MYO1E: variants seen among roughly 807,000 people sequenced by gnomAD.
MYO1E encodes myosin IE.
Under a neutral mutation model 151.1 loss-of-function variants are expected in MYO1E, and 68 were observed. That is an observed-to-expected ratio of 0.45 (90% CI 0.37 to 0.55). MYO1E has a LOEUF of 0.55. Ranked by LOEUF, MYO1E falls within the 20% of genes least tolerant of loss-of-function variation. MYO1E has a pLI of 0.00. For missense variants in MYO1E, 1,363 were observed against 1,389.3 expected (o/e 0.98, Z 0.30); for synonymous variants, 601 against 501.7 (o/e 1.20, Z -2.64).
At chr15:59,246,282 T>C (rs2080129625) in intron 4 of MYO1E, among the ~76,000 whole-genome samples, 1 of 152,126 alleles carries the variant, frequency 6.6e-6, no homozygotes, top group Admixed American at 6.5e-5. Context: ...CACACCCAGC[T>C]AATTTTTATA....
intron 7 of MYO1E, among the ~76,000 whole-genome samples, chr15:59,226,412 G>A (rs1377079039): frequency 6.6e-6 from 1 of 152,188 alleles, no homozygotes; most frequent in African/African-American, 2.4e-5. Flanking sequence ...AAAGTCTAAT[G>A]TGGATCTTCA....
At chr15:59,306,411 T>G (rs2080515074) in intron 1 of MYO1E, among the ~76,000 whole-genome samples, 2 of 152,250 alleles carry the variant, frequency 1.3e-5, no homozygotes, top group Admixed American at 1.3e-4. Context: ...TAAAAGATAC[T>G]GAACGAATAT....
chr15:59,318,457 T>C (rs558820915), intron 1 of MYO1E, among the ~76,000 whole-genome samples: 3 of 152,314 alleles, frequency 2.0e-5, no homozygotes, highest in Non-Finnish European at 4.4e-5. Flanking sequence ...TCAAAGCAAG[T>C]GGTCATGAGA....
At chr15:59,255,427 C>G (rs773928942) in intron 4 of MYO1E, among the ~76,000 whole-genome samples, 5 of 152,016 alleles carry the variant, frequency 3.3e-5, no homozygotes, top group Non-Finnish European at 7.4e-5. Flanking sequence ...TGGAGTCTCA[C>G]TCTGTCACTC....
rs990983451 is a variant in MYO1E at position 59,172,155 on chromosome 15, G to A, written c.2335-113C>T. On this transcript the variant is annotated intron_variant, in intron 21 of 27. Transcript: ENST00000288235. ...GTGAATCACCTGAGGTCAGGAGTTCGAGACCAGCCTGACCAACATGGTGAA... is the reference window on the plus strand; with the variant it reads ...GTGAATCACCTGAGGTCAGGAGTTCAAGACCAGCCTGACCAACATGGTGAA... 7.5e-6 allele frequency: 9 copies of A among 1,197,336 alleles called. No homozygotes were observed. In the African/African-American group the frequency reaches 9.1e-5, roughly 12 times the overall value. 74.2% of individuals were successfully genotyped at this position (1,197,336 alleles called of 1,614,324 possible).
At chr15:59,366,985 G>A (rs1318105242) in intron 1 of MYO1E, among the ~76,000 whole-genome samples, 1 of 100,940 alleles carries the variant, frequency 9.9e-6, no homozygotes. Flanking sequence ...AACACAAGTT[G>A]CTGCATTTTC....
At chr15:59,175,268 TGA>T (rs1279517214) in intron 19 of MYO1E, among the ~76,000 whole-genome samples, 6 of 152,196 alleles carry the variant, frequency 3.9e-5, no homozygotes, top group Non-Finnish European at 7.3e-5. Flanking sequence ...TCATTTACCT[TGA>T]GAGTGGCTTA....
chr15:59,213,270 A>C (rs1488634077), intron 12 of MYO1E, among the ~76,000 whole-genome samples: 3 of 151,844 alleles, frequency 2.0e-5, no homozygotes, highest in Admixed American at 6.6e-5. Context: ...TCCTGGGTTC[A>C]AGCGATTCTC....
intron 18 of MYO1E, among the ~76,000 whole-genome samples, chr15:59,180,635 TG>T (rs2079652849): frequency 6.6e-6 from 1 of 151,986 alleles, no homozygotes; most frequent in Non-Finnish European, 1.5e-5. Flanking sequence ...TGGCAATACA[TG>T]GGAATTGCCT....
chr15:59,242,744 T>C (rs2080107634), intron 4 of MYO1E, among the ~76,000 whole-genome samples: 1 of 152,176 alleles, frequency 6.6e-6, no homozygotes, highest in African/African-American at 2.4e-5. Flanking sequence ...ATAAAATTAA[T>C]TTAATGAGAA....
At chr15:59,155,508 A>G (rs2079504833) in intron 25 of MYO1E, among the ~76,000 whole-genome samples, 1 of 152,104 alleles carries the variant, frequency 6.6e-6, no homozygotes, top group Admixed American at 6.6e-5. Context: ...TGATGAAGGA[A>G]CTGTCATTTA....
chr15:59,215,993 C>A (rs1164719570), intron 10 of MYO1E, among the ~76,000 whole-genome samples: 1 of 152,084 alleles, frequency 6.6e-6, no homozygotes, highest in African/African-American at 2.4e-5. Flanking sequence ...TTTAGTATGA[C>A]CCTGACCTTC....
At chr15:59,169,090 G>C (rs2079577469) in intron 22 of MYO1E, among the ~76,000 whole-genome samples, 1 of 152,118 alleles carries the variant, frequency 6.6e-6, no homozygotes, top group East Asian at 1.9e-4. Flanking sequence ...TGAATGGTTG[G>C]TTGGTTTGAA....
intron 25 of MYO1E, 84 bp downstream of exon 25, chr15:59,158,203 G>C: frequency 8.4e-7 from 1 of 1,185,822 alleles, no homozygotes; most frequent in South Asian, 1.3e-5. Flanking sequence ...GCATTGATTT[G>C]CTAATGGGTT....
rs1401140011 is a variant in MYO1E, at chr15:59,175,734, C to A, written c.2050-1494G>T. Among the ~76,000 whole-genome samples the A allele has an allele frequency of 2.6e-4, 40 of 152,084 alleles. 1 individual carries two copies. On this transcript the variant is annotated intron_variant, in intron 19 of 27. Coordinates refer to ENST00000288235, the MANE Select transcript of MYO1E (RefSeq NM_004998.4). The stretch of plus-strand genomic sequence containing the variant: ...GTAAGTCTTGTTTCCTTCTTCTTTC[C>A]CAGAACTATTTTGGGCGTATCACAG...
chr15:59,218,635 G>T (rs1007126212), intron 9 of MYO1E, among the ~76,000 whole-genome samples: 20 of 152,280 alleles, frequency 1.3e-4, no homozygotes, highest in African/African-American at 4.8e-4. Flanking sequence ...AAATATGTAA[G>T]AAATCTTGAA....
chr15:59,327,451 A>G (rs918599094), intron 1 of MYO1E, among the ~76,000 whole-genome samples: 7 of 151,868 alleles, frequency 4.6e-5, no homozygotes, highest in African/African-American at 1.7e-4. Flanking sequence ...TGGGACCACA[A>G]GTGTGCATCA....
intron 26 of MYO1E, among the ~76,000 whole-genome samples, chr15:59,142,129 T>TA (rs1483606504): frequency 4.0e-5 from 6 of 151,760 alleles, no homozygotes; most frequent in African/African-American, 1.2e-4. Flanking sequence ...ATTTTTTTTT[T>TA]AAGTCTGTAC....
intron 23 of MYO1E, 23 bp downstream of exon 23, chr15:59,163,134 C>A: frequency 6.2e-7 from 1 of 1,613,580 alleles, no homozygotes; most frequent in Non-Finnish European, 8.5e-7. Context: ...ACGCAGAAGT[C>A]TGGGTCCCAG....
Sources: gnomAD v4.1 joint callset for allele counts (sites outside exome capture counted in the v4.1 genomes callset) on GRCh38, gnomAD v4.1.1 for gene constraint, MANE v1.5 for transcripts, NCBI Gene and HGNC (gene_info 2026-07-23, HGNC 2026-07-21) for gene names.